The following PRKAA1 variants were observed in gnomAD, a reference collection of about 807,000 sequenced individuals.
PRKAA1 encodes the protein protein kinase AMP-activated catalytic subunit alpha 1.
A neutral mutation model predicts 56.9 loss-of-function variants in PRKAA1; 23 were observed. The observed-to-expected ratio is 0.40, with a 90% CI of 0.29 to 0.57. The LOEUF is 0.57. PRKAA1 is among the 20% of genes least tolerant of loss of function. The pLI, the probability that PRKAA1 is intolerant of heterozygous loss-of-function variation, is 0.39. For synonymous variants in PRKAA1, 226 were observed against 227.0 expected, an observed-to-expected ratio of 1.00 and a Z score of 0.04; for missense variants, 413 against 679.7, an observed-to-expected ratio of 0.61 and a Z score of 4.36.
At position 40,764,975 on chromosome 5, in the gene PRKAA1, A is replaced by C. The variant is rs1416393253; in HGVS notation, c.1085T>G (p.Leu362Arg). ...YLATSPPDSF[L>R]DDHHLTRPHP... The stretch of plus-strand genomic sequence containing the variant: ...GGGCCGAGTCAGGTGATGATCATCA[A>C]GAAAAGAATCAGGTGGGCTTGTCGC... Residue 362 changes from leucine to arginine, a missense_variant, in exon 7 of 9, where the codon CTT (leucine) becomes CGT (arginine). Around this residue, in one of 9 missense-constraint regions of PRKAA1, gnomAD observed 50 missense variants for 87.7 expected, o/e 0.57. Coordinates refer to ENST00000397128, the MANE Select transcript of PRKAA1 (RefSeq NM_006251.6). The C allele has an allele frequency of 1.9e-6, 3 of 1,614,200 alleles. No homozygotes were observed. Among genetic ancestry groups the C allele is most frequent in the Non-Finnish European group, 2.5e-6 (3 of 1,180,026 alleles).
At chr5:40,774,400 T>A (rs1335595074) in intron 3 of PRKAA1, among the ~76,000 whole-genome samples, 1 of 152,228 alleles carries the variant, frequency 6.6e-6, no homozygotes, top group Admixed American at 6.5e-5. Flanking sequence ...AAGAAACTTT[T>A]GAAATAGAAA....
intron 1 of PRKAA1, among the ~76,000 whole-genome samples, chr5:40,781,924 G>A (rs1744281290): frequency 6.6e-6 from 1 of 152,168 alleles, no homozygotes. Flanking sequence ...CTAATTAGAT[G>A]TGATTAAGAG....
At chr5:40,772,385 G>A (rs1743786268) in intron 3 of PRKAA1, among the ~76,000 whole-genome samples, 1 of 152,156 alleles carries the variant, frequency 6.6e-6, no homozygotes. Flanking sequence ...TAGGTGCAGT[G>A]AGTGATAGTG....
chr5:40,762,609 G>C lies in PRKAA1; in HGVS notation c.*169C>G. 1.3e-6 allele frequency: 1 copy of C among 764,440 alleles called. No individual in the cohort carries two copies. The highest frequency in any genetic ancestry group is 2.0e-6 in the Non-Finnish European group (1 of 492,122). The allele number at this position is 764,440 out of a possible 1,614,324, so 47.4% of individuals were successfully genotyped here. A position where few individuals can be genotyped will look rare whatever the true frequency, so the allele number is the denominator to read the frequency against. The stretch of plus-strand genomic sequence containing the variant: ...AACAAAATGATCTTAATTCATTTCT[G>C]CATATTAGGCTTTTAACTATAAATC... On this transcript the variant is annotated 3_prime_UTR_variant, in exon 9 of 9. Coordinates refer to ENST00000397128, the MANE Select transcript of PRKAA1 (RefSeq NM_006251.6).
chr5:40,778,210 C>T (rs1027888691), intron 1 of PRKAA1, among the ~76,000 whole-genome samples: 3 of 152,194 alleles, frequency 2.0e-5, no homozygotes, highest in Non-Finnish European at 4.4e-5. Context: ...GATTGCACCA[C>T]TGCACTCCAG....
At position 40,774,549 on chromosome 5, in the gene PRKAA1, A is replaced by ACTTTTTTTTTTTTTTT. The variant is rs1554031839; in HGVS notation, c.363+860_363+861insAAAAAAAAAAAAAAAG. Among the ~76,000 whole-genome samples the ACTTTTTTTTTTTTTTT allele has an allele frequency of 2.4e-5, 3 of 125,084 alleles. 1 individual carries two copies. Among genetic ancestry groups the ACTTTTTTTTTTTTTTT allele is most frequent in the African/African-American group, 6.2e-5 (2 of 32,464 alleles). 82.1% of individuals were successfully genotyped at this position (125,084 alleles called of 152,430 possible). ...CCTGTTTCCCATTTCTCCAGGCAGA[A>ACTTTTTTTTTTTTTTT]TTTTTTTTTTTTTTTTTTTTTTGGT... On this transcript the variant is annotated intron_variant, in intron 3 of 8. Coordinates refer to ENST00000397128, the MANE Select transcript of PRKAA1 (RefSeq NM_006251.6).
At chr5:40,785,326 G>A (rs1399093826) in intron 1 of PRKAA1, among the ~76,000 whole-genome samples, 5 of 151,942 alleles carry the variant, frequency 3.3e-5, no homozygotes, top group Non-Finnish European at 5.9e-5. Context: ...TGCAACCTCC[G>A]CCTCCTGGGT....
intron 2 of PRKAA1, among the ~76,000 whole-genome samples, chr5:40,775,835 T>C (rs1047202314): frequency 3.3e-5 from 5 of 152,088 alleles, no homozygotes; most frequent in African/African-American, 9.7e-5. Flanking sequence ...AATTATGTAA[T>C]TATCTAGGAG....
rs1249689552 is a variant in PRKAA1, at chr5:40,762,940, A to C, written c.1518T>G (p.Ser506Arg). The change falls in exon 9 of 9, where the codon AGT becomes AGG. Residue 506 changes from serine (S) to arginine (R), a missense_variant. Ser to Arg is a moderately radical substitution (Grantham distance 110). Transcript: ENST00000397128. ...TTCCTTGAGCCTCAGCATCTGAATC[A>C]CTCCTTTGGCAAGATCGATAGTTGC... ...SVSNYRSCQRSDSDAEAQGKS... is the reference protein window; with the variant it reads ...SVSNYRSCQRRDSDAEAQGKS... 1 of 1,613,766 alleles carries C rather than the reference A, an allele frequency of 6.2e-7. No individual in the cohort carries two copies. Among genetic ancestry groups the C allele is most frequent in the Non-Finnish European group, 8.5e-7 (1 of 1,179,988 alleles).
At chr5:40,763,472 C>CA (rs1743286789) in intron 8 of PRKAA1, among the ~76,000 whole-genome samples, 1 of 152,104 alleles carries the variant, frequency 6.6e-6, no homozygotes, top group African/African-American at 2.4e-5. Context: ...AACAAATGAA[C>CA]AGAAAGGTAA....
chr5:40,780,394 T>C (rs1307101983), intron 1 of PRKAA1, among the ~76,000 whole-genome samples: 1 of 152,184 alleles, frequency 6.6e-6, no homozygotes, highest in African/African-American at 2.4e-5. Flanking sequence ...ACCAAATCCG[T>C]ATTAGTCAGC....
At position 40,771,831 on chromosome 5, in the gene PRKAA1, T is replaced by C. The variant is rs1341452679; in HGVS notation, c.396A>G (p.Gln132=). ...LDEKESRRLF[Q]QILSGVDYCH... ...AATAATCCACACCAGAAAGGATCTGTTGGAACAGACGCCGACTTTCTTTTT... is the reference window on the plus strand; with the variant it reads ...AATAATCCACACCAGAAAGGATCTGCTGGAACAGACGCCGACTTTCTTTTT... Residue 132 remains glutamine, a synonymous_variant, in exon 4 of 9, where the codon CAA becomes CAG. Transcript: ENST00000397128. 3 of 1,610,976 alleles carry C rather than the reference T, an allele frequency of 1.9e-6. No homozygotes were observed. Among genetic ancestry groups the C allele is most frequent in the African/African-American group, 1.3e-5 (1 of 74,738 alleles).
intron 1 of PRKAA1, among the ~76,000 whole-genome samples, chr5:40,785,192 A>G (rs1744415758): frequency 6.6e-6 from 1 of 152,126 alleles, no homozygotes; most frequent in African/African-American, 2.4e-5. Flanking sequence ...AACCTGCCTC[A>G]TATCAATTTC....
chr5:40,792,136 C>T (rs1466977694), intron 1 of PRKAA1, among the ~76,000 whole-genome samples: 1 of 152,178 alleles, frequency 6.6e-6, no homozygotes, highest in Non-Finnish European at 1.5e-5. Context: ...TTTAAAGAGA[C>T]ATACTCTATA....
At chr5:40,784,206 T>C (rs1292530697) in intron 1 of PRKAA1, among the ~76,000 whole-genome samples, 1 of 152,208 alleles carries the variant, frequency 6.6e-6, no homozygotes, top group Non-Finnish European at 1.5e-5. Flanking sequence ...TTATTTGTTT[T>C]AATCTCTGAA....
Position 40,762,739 on chromosome 5 carries a change from A to ATGCT in PRKAA1, c.*35_*38dup. The ATGCT allele has an allele frequency of 6.2e-7, 1 of 1,606,730 alleles. No individual in the cohort carries two copies. The highest frequency in any genetic ancestry group is 1.3e-5 in the African/African-American group (1 of 74,762). ...AGCATTTGGCTGTGACTTATTATGC[A>ATGCT]TGCTTATTGCTGCAAAAGAAATAAG... On this transcript the variant is annotated 3_prime_UTR_variant, in exon 9 of 9. Coordinates refer to ENST00000397128, the MANE Select transcript of PRKAA1 (RefSeq NM_006251.6).
rs1160335986 is a variant in PRKAA1 at position 40,765,813 on chromosome 5, ATGACCCAGTTCTGTG to A, written c.822-590_822-576del. ...GACAGTAAGTGACAGAACCAGGATT[ATGACCCAGTTCTGTG>A]TGACTGGAAAGGCCATGCCCTGAAT... On this transcript the variant is annotated intron_variant, in intron 6 of 8. Coordinates refer to ENST00000397128, the MANE Select transcript of PRKAA1 (RefSeq NM_006251.6). Among the ~76,000 whole-genome samples the A allele has an allele frequency of 2.0e-5, 3 of 152,286 alleles. No homozygotes were observed. In the East Asian group the frequency reaches 5.8e-4, roughly 29 times the overall value.
chr5:40,771,756 C>T lies in PRKAA1; in HGVS notation c.471G>A (p.Leu157=), dbSNP rs1743758125. The change falls in exon 4 of 9, where the codon CTG becomes CTA. Residue 157 remains leucine, a synonymous_variant. Transcript: ENST00000397128. Reference sequence around the variant, plus strand: ...TCTTTGCATTCATGTGTGCATCAAGCAGGACATTTTCAGGTTTCAAATCTC... The same window carrying T: ...TCTTTGCATTCATGTGTGCATCAAGTAGGACATTTTCAGGTTTCAAATCTC... ...VHRDLKPENV[L]LDAHMNAKIA... 18 of 1,612,534 alleles carry T rather than the reference C, an allele frequency of 1.1e-5. No homozygotes were observed. Among genetic ancestry groups the T allele is most frequent in the Non-Finnish European group, 1.5e-5 (18 of 1,179,714 alleles).
chr5:40,775,583 G>GTA lies in PRKAA1; in HGVS notation c.270-82_270-81dup, dbSNP rs1386825673. The GTA allele has an allele frequency of 3.9e-5, 43 of 1,111,984 alleles. No individual in the cohort carries two copies. In the East Asian group the frequency reaches 8.9e-4, roughly 23 times the overall value. The allele number at this position is 1,111,984 out of a possible 1,614,324, so 68.9% of individuals were successfully genotyped here. On this transcript the variant is annotated intron_variant, in intron 2 of 8. Transcript: ENST00000397128. ...AATAAATATTTACTAAGCACCTATA[G>GTA]TATACCAGGTACTAGGCTAGGAGCT...
Sources: allele counts gnomAD v4.1 joint callset (sites outside exome capture counted in the v4.1 genomes callset), GRCh38; gene constraint gnomAD v4.1.1; regional missense constraint gnomAD v4.1.1; transcripts MANE v1.5; gene names NCBI Gene and HGNC (gene_info 2026-07-23, HGNC 2026-07-21).